The following MYO9A variants were observed in gnomAD, a reference collection of about 807,000 sequenced individuals.
MYO9A encodes the protein myosin IXA.
In MYO9A, 103 loss-of-function variants were observed where a neutral mutation model predicts 293.3. The observed-to-expected ratio is 0.35, with a 90% CI of 0.30 to 0.41. The LOEUF (loss-of-function observed/expected upper bound fraction) is 0.41, where lower values mean the gene tolerates loss of function less well. MYO9A is among the 10% of genes least tolerant of loss of function. The pLI is 1.00. For synonymous variants in MYO9A, 1,001 were observed against 1,035.7 expected (o/e 0.97, Z 0.64); for missense variants, 2,685 against 3,033.0 (o/e 0.89, Z 2.69).
intron 4 of MYO9A, among the ~76,000 whole-genome samples, chr15:72,026,237 C>T (rs990734905): frequency 5.9e-5 from 8 of 135,244 alleles, no homozygotes; most frequent in African/African-American, 2.2e-4. Context: ...CTCACCACTG[C>T]ACTCCAGCCC....
chr15:72,010,920 C>G (rs2077153419), intron 6 of MYO9A, among the ~76,000 whole-genome samples: 3 of 151,922 alleles, frequency 2.0e-5, no homozygotes, highest in African/African-American at 7.3e-5. Flanking sequence ...TTAGAAGAGG[C>G]AATAATTTAG....
At position 71,955,032 on chromosome 15, in the gene MYO9A, A is replaced by AC. The variant is rs373709182; in HGVS notation, c.2183-3137dup. ...AATCAAGATAGAGAACATTTCTATC[A>AC]CCCCCCCAAGTTATTTTATCTCCCT... On this transcript the variant is annotated intron_variant, in intron 14 of 41. Coordinates refer to ENST00000356056, the MANE Select transcript of MYO9A (RefSeq NM_006901.4). Among the ~76,000 whole-genome samples, 136 of 151,514 alleles carry AC rather than the reference A, an allele frequency of 9.0e-4. 2 individuals are homozygous for AC. The highest frequency in any genetic ancestry group is 3.4e-3 in the Middle Eastern group (1 of 292).
intron 34 of MYO9A, among the ~76,000 whole-genome samples, chr15:71,857,571 T>C (rs771449588): frequency 3.3e-4 from 51 of 152,294 alleles, no homozygotes; most frequent in Non-Finnish European, 5.9e-4. Context: ...TTGGATATTA[T>C]ATAAATGGAA....
chr15:72,045,608 T>G (rs2078362976), intron 2 of MYO9A, 116 bp downstream of exon 2: 2 of 1,183,804 alleles, frequency 1.7e-6, no homozygotes, highest in Non-Finnish European at 2.3e-6. Context: ...AGTATCTTGC[T>G]TGATCTACTC....
At chr15:71,921,514 C>T (rs1325480332) in intron 18 of MYO9A, among the ~76,000 whole-genome samples, 3 of 152,198 alleles carry the variant, frequency 2.0e-5, no homozygotes, top group African/African-American at 7.2e-5. Context: ...CTCATCCCTA[C>T]TTCTTAAATA....
chr15:72,084,907 C>A (rs2079666989), intron 1 of MYO9A, among the ~76,000 whole-genome samples: 1 of 152,184 alleles, frequency 6.6e-6, no homozygotes, highest in African/African-American at 2.4e-5. Flanking sequence ...CTTCCATTCT[C>A]CCCAACTCTT....
chr15:72,075,760 A>G (rs2079330827), intron 1 of MYO9A, among the ~76,000 whole-genome samples: 1 of 152,014 alleles, frequency 6.6e-6, no homozygotes, highest in Non-Finnish European at 1.5e-5. Flanking sequence ...CCCCATCTCT[A>G]CAAAAAAAAT....
intron 15 of MYO9A, among the ~76,000 whole-genome samples, chr15:71,942,827 T>G (rs2058812944): frequency 6.6e-6 from 1 of 152,054 alleles, no homozygotes. Context: ...ATAAAATTGT[T>G]GCTTATTTAG....
At chr15:72,011,641 T>G (rs1302300183) in intron 6 of MYO9A, among the ~76,000 whole-genome samples, 1 of 152,156 alleles carries the variant, frequency 6.6e-6, no homozygotes, top group East Asian at 1.9e-4. Flanking sequence ...AAATACTACT[T>G]TTTAAGCATA....
chr15:72,024,274 T>C lies in MYO9A; in HGVS notation c.999-3257A>G, dbSNP rs142163113. On this transcript the variant is annotated intron_variant, in intron 4 of 41. Coordinates refer to ENST00000356056, the MANE Select transcript of MYO9A (RefSeq NM_006901.4). ...ACATAGGTAAATATAAAAGATAGTA[T>C]AAATTAATTAACTCATTGATTGATT... Among the ~76,000 whole-genome samples the C allele has an allele frequency of 1.6e-3, 244 of 152,286 alleles. 2 individuals are homozygous for C. Among genetic ancestry groups the C allele is most frequent in the African/African-American group, 5.7e-3 (238 of 41,560 alleles).
Position 71,825,580 on chromosome 15 carries a change from A to AAACT in MYO9A, c.*996_*999dup, listed in dbSNP as rs767710561. ...CAATATTGTATGTGAATGTTTTTGG[A>AAACT]AACTAACTAAACGGTCACATTATTT... On this transcript the variant is annotated 3_prime_UTR_variant, in exon 42 of 42. Coordinates refer to ENST00000356056, the MANE Select transcript of MYO9A (RefSeq NM_006901.4). The AAACT allele has an allele frequency of 1.3e-4, 20 of 152,260 alleles. No individual in the cohort carries two copies. The highest frequency in any genetic ancestry group is 2.6e-4 in the Admixed American group (4 of 15,282). The allele number at this position is 152,260 out of a possible 1,614,324, so 9.4% of individuals were successfully genotyped here.
At chr15:72,088,132 G>C (rs150516651) in intron 1 of MYO9A, among the ~76,000 whole-genome samples, 192 of 152,238 alleles carry the variant, frequency 1.3e-3, no homozygotes, top group African/African-American at 4.2e-3. Context: ...CCTTGATCTT[G>C]GACTTCTAGT....
chr15:71,883,553 A>G, intron 28 of MYO9A, 41 bp downstream of exon 28: 2 of 1,581,940 alleles, frequency 1.3e-6, no homozygotes, highest in Non-Finnish European at 1.7e-6. Flanking sequence ...AAGAGTGAAC[A>G]GAAATTATGA....
At chr15:72,061,712 A>G (rs2078883634) in intron 1 of MYO9A, among the ~76,000 whole-genome samples, 2 of 151,916 alleles carry the variant, frequency 1.3e-5, no homozygotes, top group Admixed American at 1.3e-4. Flanking sequence ...TCCCAACTCC[A>G]GGCCCTAGCT....
At chr15:72,004,557 CA>C (rs1043074423) in intron 8 of MYO9A, among the ~76,000 whole-genome samples, 2 of 151,242 alleles carry the variant, frequency 1.3e-5, no homozygotes, top group East Asian at 3.9e-4. Context: ...AACTCCATCT[CA>C]AAAAAACAAC....
At chr15:72,037,487 A>G (rs558849727) in intron 2 of MYO9A, among the ~76,000 whole-genome samples, 69 of 152,242 alleles carry the variant, frequency 4.5e-4, no homozygotes, top group South Asian at 1.2e-3. Flanking sequence ...GGTAAGGCAG[A>G]GTTGACAACC....
Position 71,830,177 on chromosome 15 carries a change from C to G in MYO9A, c.6972G>C (p.Gln2324His), listed in dbSNP as rs1458256643. 1.2e-6 allele frequency: 2 copies of G among 1,614,030 alleles called. No homozygotes were observed. Among genetic ancestry groups the G allele is most frequent in the Non-Finnish European group, 1.7e-6 (2 of 1,180,012 alleles). ...EAAMETDITE[Q>H]QQAAMQQEER... is the part of the protein sequence containing the mutation. ...CCTCCTGCTGCATAGCTGCTTGCTG[C>G]TGTTCTGTGATGTCAGTCTCCATGG... Residue 2324 changes from glutamine to histidine, a missense_variant, in exon 40 of 42, where the codon CAG becomes CAC. By Grantham distance (24) the Gln-to-His change is conservative. This residue lies in a region of MYO9A where 350 missense variants were observed against 328.9 expected (regional missense o/e 1.06). Transcript: ENST00000356056.
At chr15:72,029,292 G>A (rs2077787427) in intron 3 of MYO9A, among the ~76,000 whole-genome samples, 1 of 152,162 alleles carries the variant, frequency 6.6e-6, no homozygotes, top group Non-Finnish European at 1.5e-5. Context: ...GGTACATTCT[G>A]AGAAATGCAT....
intron 2 of MYO9A, among the ~76,000 whole-genome samples, chr15:72,034,965 T>C (rs548055877): frequency 6.6e-6 from 1 of 152,338 alleles, no homozygotes; most frequent in African/African-American, 2.4e-5. Flanking sequence ...CAATAGTTAC[T>C]TCACCAAATA....
Sources: allele counts gnomAD v4.1 joint callset (sites outside exome capture counted in the v4.1 genomes callset), GRCh38; gene constraint gnomAD v4.1.1; regional missense constraint gnomAD v4.1.1; transcripts MANE v1.5; gene names NCBI Gene and HGNC (gene_info 2026-07-23, HGNC 2026-07-21).